The following NUP62 variants were observed in gnomAD, a reference collection of about 807,000 sequenced individuals.
The protein encoded by NUP62 is nuclear pore glycoprotein p62.
For missense variants in NUP62, 647 were observed against 689.4 expected (o/e 0.94, Z 0.69); for synonymous variants, 305 against 303.4 (o/e 1.01, Z -0.05).
intron 2 of NUP62, chr19:49,911,416 G>C (rs2075459508): frequency 6.6e-6 from 1 of 152,212 alleles, no homozygotes; most frequent in Admixed American, 6.5e-5. Context: ...GAGAAGCCAA[G>C]TGCCTGACCC....
intron 2 of NUP62, among the ~76,000 whole-genome samples, chr19:49,912,449 A>G (rs1345262355): frequency 1.3e-5 from 2 of 151,958 alleles, no homozygotes; most frequent in East Asian, 1.9e-4. Context: ...GATTACAGGC[A>G]TGAGCCACTG....
chr19:49,916,028 C>T (rs1328442144), intron 2 of NUP62, among the ~76,000 whole-genome samples: 1 of 152,230 alleles, frequency 6.6e-6, no homozygotes, highest in African/African-American at 2.4e-5. Context: ...CAACCATTTA[C>T]TAGGGACCTA....
At chr19:49,916,320 G>A (rs1183667764) in intron 2 of NUP62, among the ~76,000 whole-genome samples, 2 of 151,822 alleles carry the variant, frequency 1.3e-5, no homozygotes, top group African/African-American at 4.8e-5. Flanking sequence ...TCAGGAGTTC[G>A]AGACTAGCCT....
At chr19:49,913,594 G>A (rs2075540079) in intron 2 of NUP62, among the ~76,000 whole-genome samples, 1 of 152,224 alleles carries the variant, frequency 6.6e-6, no homozygotes. Flanking sequence ...ACTGTCCGCG[G>A]GACTCTCTCT....
chr19:49,908,967 TGGTGGCGGTGGC>T lies in NUP62; in HGVS notation c.829_840del (p.Ala277_Thr280del), dbSNP rs762665664. 4.9e-5 allele frequency: 78 copies of T among 1,607,490 alleles called. No homozygotes were observed. The highest frequency in any genetic ancestry group is 8.1e-5 in the African/African-American group (6 of 74,436). ...CCGGTGGTGCTGCTGCTGCTGGTGG[TGGTGGCGGTGGC>T]GGTGGCAGCGGTGGATGTTGTTGTG... is the stretch of plus-strand genomic sequence containing the variant. On this transcript the variant is annotated inframe_deletion, in exon 3 of 3. Coordinates refer to ENST00000352066, the MANE Select transcript of NUP62 (RefSeq NM_016553.5).
In NUP62 at chr19:49,920,523, A is replaced by T. The variant is rs899727537; in HGVS notation, c.-78+7171T>A. Among the ~76,000 whole-genome samples the T allele has an allele frequency of 1.2e-4, 19 of 152,312 alleles. No individual in the cohort carries two copies. In the East Asian group the frequency reaches 3.1e-3, roughly 25 times the overall value. Reference sequence around the variant, plus strand: ...TACAGTATCTCAATAAAGCCACTCAACCAACCAACCGACCAACCAACCAAC... The same window carrying T: ...TACAGTATCTCAATAAAGCCACTCATCCAACCAACCGACCAACCAACCAAC... On this transcript the variant is annotated intron_variant, in intron 2 of 2. Coordinates refer to ENST00000352066, the MANE Select transcript of NUP62 (RefSeq NM_016553.5).
chr19:49,927,420 T>C (rs1292980195), intron 2 of NUP62, among the ~76,000 whole-genome samples: 1 of 152,160 alleles, frequency 6.6e-6, no homozygotes, highest in Non-Finnish European at 1.5e-5. Context: ...TTCGCATGTT[T>C]TGGTAAGGTT....
At chr19:49,922,810 C>T (rs2075796616) in intron 2 of NUP62, among the ~76,000 whole-genome samples, 1 of 152,246 alleles carries the variant, frequency 6.6e-6, no homozygotes, top group South Asian at 2.1e-4. Flanking sequence ...CTTTCAGGGG[C>T]CCAGGTGCTT....
At chr19:49,910,598 C>T (rs576231770) in intron 2 of NUP62, among the ~76,000 whole-genome samples, 2 of 152,184 alleles carry the variant, frequency 1.3e-5, no homozygotes, top group South Asian at 4.1e-4. Context: ...AAGGCAGCTG[C>T]CTCCTTCACC....
In NUP62 at chr19:49,907,824, C is replaced by G; in HGVS notation, c.*415G>C. ...GTGCTGAGATTACAGGGGTGAGCCA[C>G]TGCGCCCTGACTTGGAGGTTCTCTT... On this transcript the variant is annotated 3_prime_UTR_variant, in exon 3 of 3. Coordinates refer to ENST00000352066, the MANE Select transcript of NUP62 (RefSeq NM_016553.5). 2 of 333,252 alleles carry G rather than the reference C, an allele frequency of 6.0e-6. No individual in the cohort carries two copies. The highest frequency in any genetic ancestry group is 4.9e-5 in the South Asian group (2 of 40,460). 20.6% of individuals were successfully genotyped at this position (333,252 alleles called of 1,614,324 possible).
At position 49,929,474 on chromosome 19, in the gene NUP62, C is replaced by G. The variant is rs781169717; in HGVS notation, c.-348G>C. On this transcript the variant is annotated 5_prime_UTR_variant, in exon 1 of 3. Coordinates refer to ENST00000352066, the MANE Select transcript of NUP62 (RefSeq NM_016553.5). ...AGCTCGTGGCCCTCTTTAGGGAGCCCTGGGGGGTGGGGAGTCGCGAGCGGG... is the reference window on the plus strand; with the variant it reads ...AGCTCGTGGCCCTCTTTAGGGAGCCGTGGGGGGTGGGGAGTCGCGAGCGGG... 2.6e-5 allele frequency: 4 copies of G among 152,552 alleles called. No homozygotes were observed. Among genetic ancestry groups the G allele is most frequent in the African/African-American group, 4.8e-5 (2 of 41,436 alleles). 9.4% of individuals were successfully genotyped at this position (152,552 alleles called of 1,614,324 possible).
chr19:49,927,151 G>T (rs928785424), intron 2 of NUP62, among the ~76,000 whole-genome samples: 9 of 152,074 alleles, frequency 5.9e-5, no homozygotes, highest in African/African-American at 2.2e-4. Flanking sequence ...ATGAGCCACC[G>T]TGCCTGGTCC....
intron 2 of NUP62, among the ~76,000 whole-genome samples, chr19:49,926,716 G>GAC (rs1198103778): frequency 1.3e-5 from 2 of 152,190 alleles, no homozygotes; most frequent in Non-Finnish European, 2.9e-5. Context: ...TACAGCAATG[G>GAC]AATGAGAACA....
In NUP62 at chr19:49,908,971, G is replaced by T; in HGVS notation, c.837C>A (p.Ala279=). The change falls in exon 3 of 3, where the codon GCC becomes GCA. Residue 279 remains alanine (A), a synonymous_variant. Transcript: ENST00000352066. ...TGGTGCTGCTGCTGCTGGTGGTGGT[G>T]GCGGTGGCGGTGGCAGCGGTGGATG... ...TTTSTAATAT[A]TTTSSSSTTG... 6.2e-7 allele frequency: 1 copy of T among 1,608,388 alleles called. No individual in the cohort carries two copies.
At chr19:49,918,895 T>TGGGGGGG (rs56129490) in intron 2 of NUP62, among the ~76,000 whole-genome samples, 63 of 72,318 alleles carry the variant, frequency 8.7e-4, no homozygotes, top group Admixed American at 1.4e-3. Context: ...TTTGGGAGGC[T>TGGGGGGG]GGGGGGGGGG....
rs2075343961 is a variant in NUP62, at chr19:49,907,335, A to T, written c.*904T>A. Reference sequence around the variant, plus strand: ...AGGTGGGGGTGAGCCTGGGCCAGGCAAAAGGCAGGCCTCTCGGCGCCCATC... The same window carrying T: ...AGGTGGGGGTGAGCCTGGGCCAGGCTAAAGGCAGGCCTCTCGGCGCCCATC... On this transcript the variant is annotated 3_prime_UTR_variant, in exon 3 of 3. Coordinates refer to ENST00000352066, the MANE Select transcript of NUP62 (RefSeq NM_016553.5). 2 of 316,912 alleles carry T rather than the reference A, an allele frequency of 6.3e-6. No homozygotes were observed. Among genetic ancestry groups the T allele is most frequent in the Non-Finnish European group, 1.2e-5 (2 of 164,168 alleles). The allele number at this position is 316,912 out of a possible 1,614,324, so 19.6% of individuals were successfully genotyped here.
At chr19:49,918,217 C>T (rs988405966) in intron 2 of NUP62, among the ~76,000 whole-genome samples, 3 of 152,058 alleles carry the variant, frequency 2.0e-5, no homozygotes, top group Non-Finnish European at 2.9e-5. Context: ...AGGCATACGC[C>T]GCCATGCCCA....
At chr19:49,916,066 C>T (rs2075615217) in intron 2 of NUP62, among the ~76,000 whole-genome samples, 1 of 152,244 alleles carries the variant, frequency 6.6e-6, no homozygotes, top group Non-Finnish European at 1.5e-5. Context: ...TGCCAGAGCA[C>T]TGCACTGCAG....
chr19:49,921,693 C>A lies in NUP62; in HGVS notation c.-78+6001G>T, dbSNP rs1181104568. Among the ~76,000 whole-genome samples, 3 of 152,196 alleles carry A rather than the reference C, an allele frequency of 2.0e-5. No individual in the cohort carries two copies. Among genetic ancestry groups the A allele is most frequent in the African/African-American group, 4.8e-5 (2 of 41,444 alleles). ...GGTACCCCTCTGCCCATTGAGGGGG[C>A]ACCTAGGGAGCCTAGGGGTCCCGTG... On this transcript the variant is annotated intron_variant, in intron 2 of 2. Coordinates refer to ENST00000352066, the MANE Select transcript of NUP62 (RefSeq NM_016553.5). This position sits in a 1 kb window ranked among gnomAD's most constrained non-coding sequence, Gnocchi z 5.4.
Sources: allele counts gnomAD v4.1 joint callset (sites outside exome capture counted in the v4.1 genomes callset), GRCh38; gene constraint gnomAD v4.1.1; non-coding constraint Gnocchi (gnomAD v3.1); transcripts MANE v1.5; gene names NCBI Gene and HGNC (gene_info 2026-07-23, HGNC 2026-07-21).